TMTC3: variants seen among roughly 807,000 people sequenced by gnomAD.
TMTC3 encodes transmembrane O-mannosyltransferase targeting cadherins 3, also known as protein O-mannosyl-transferase TMTC3.
A neutral mutation model predicts 92.2 loss-of-function variants in TMTC3; 52 were observed. The ratio of observed to expected loss-of-function variants is 0.56; its 90% CI spans 0.45 to 0.71. The LOEUF (loss-of-function observed/expected upper bound fraction) is 0.71. Among genes scored for constraint, TMTC3 ranks in the 30% least tolerant of loss-of-function variants. The pLI is 0.00. For missense variants in TMTC3, 896 were observed against 1,057.1 expected (o/e 0.85, Z 2.11); for synonymous variants, 339 against 363.3 (o/e 0.93, Z 0.76).
At position 88,160,242 on chromosome 12, in the gene TMTC3, A is replaced by C; in HGVS notation, c.624+13A>C. On this transcript the variant is annotated intron_variant, in intron 5 of 13. Transcript: ENST00000266712. The stretch of plus-strand genomic sequence containing the variant: ...TATTGCCCAGGGGGTAAGCCAAACT[A>C]TAAATATATAAATTTTCTTATTGAT... 2 of 1,398,046 alleles carry C rather than the reference A, an allele frequency of 1.4e-6. No individual in the cohort carries two copies. The highest frequency in any genetic ancestry group is 2.6e-5 in the Admixed American group (1 of 38,698). 86.6% of individuals were successfully genotyped at this position (1,398,046 alleles called of 1,614,324 possible).
intron 2 of TMTC3, among the ~76,000 whole-genome samples, chr12:88,152,306 A>G (rs2040952807): frequency 1.3e-5 from 2 of 152,028 alleles, no homozygotes; most frequent in African/African-American, 4.8e-5. Flanking sequence ...AAGAGGGAGG[A>G]GAGGAGGTTC....
intron 10 of TMTC3, among the ~76,000 whole-genome samples, chr12:88,177,130 A>G (rs1327960450): frequency 6.6e-6 from 1 of 152,116 alleles, no homozygotes; most frequent in Non-Finnish European, 1.5e-5. Flanking sequence ...GTTTGAGACC[A>G]GCCTGGGCAA....
chr12:88,193,637 C>T (rs540258908), intron 13 of TMTC3, among the ~76,000 whole-genome samples: 1 of 152,262 alleles, frequency 6.6e-6, no homozygotes, highest in East Asian at 1.9e-4. Context: ...GCCCCAAAGT[C>T]ATATGGCTAA....
intron 10 of TMTC3, among the ~76,000 whole-genome samples, chr12:88,185,338 CTCTT>C (rs1040064033): frequency 3.3e-5 from 5 of 151,568 alleles, no homozygotes; most frequent in African/African-American, 1.2e-4. Flanking sequence ...TATGGACTCT[CTCTT>C]TTTTTTTTTT....
At position 88,198,013 on chromosome 12, in the gene TMTC3, T is replaced by G. The variant is rs2041535300; in HGVS notation, c.*2364T>G. The stretch of plus-strand genomic sequence containing the variant: ...CCATGTTAACTTTTAAAACTAGTAA[T>G]GTACCCAGTTAAGTTTTGATGGTTT... On this transcript the variant is annotated 3_prime_UTR_variant, in exon 14 of 14. Transcript: ENST00000266712. 1 of 245,638 alleles carries G rather than the reference T, an allele frequency of 4.1e-6. No homozygotes were observed. Among genetic ancestry groups the G allele is most frequent in the Admixed American group, 5.5e-5 (1 of 18,258 alleles). 15.2% of individuals were successfully genotyped at this position (245,638 alleles called of 1,614,324 possible).
rs765687392 is a variant in TMTC3, at chr12:88,192,844, A to T, written c.1933+14A>T. The stretch of plus-strand genomic sequence containing the variant: ...TGCAAGAATCAGGTATGTTTTCTCA[A>T]AATATTTCTGTTTATATAAATTGTA... On this transcript the variant is annotated intron_variant, in intron 13 of 13. Coordinates refer to ENST00000266712, the MANE Select transcript of TMTC3 (RefSeq NM_181783.4). The T allele has an allele frequency of 8.5e-5, 135 of 1,588,664 alleles. No homozygotes were observed. Among genetic ancestry groups the T allele is most frequent in the Non-Finnish European group, 1.1e-4 (127 of 1,166,728 alleles).
chr12:88,184,812 T>C (rs991568097), intron 10 of TMTC3, among the ~76,000 whole-genome samples: 1 of 151,930 alleles, frequency 6.6e-6, no homozygotes. Context: ...AATATATATA[T>C]ACACACACAC....
chr12:88,189,075 C>G (rs1446520857), intron 11 of TMTC3, 129 bp downstream of exon 11: 1 of 584,212 alleles, frequency 1.7e-6, no homozygotes, highest in Non-Finnish European at 3.0e-6. Flanking sequence ...TAAAGAATTA[C>G]ATTTTTCTAG....
chr12:88,144,660 C>G lies in TMTC3; in HGVS notation c.-29+2173C>G, dbSNP rs1157095575. Among the ~76,000 whole-genome samples the G allele has an allele frequency of 2.0e-5, 3 of 152,166 alleles. No homozygotes were observed. The East Asian group carries it at 5.8e-4, about 29-fold the overall frequency. The stretch of plus-strand genomic sequence containing the variant: ...TGACAATTGTAACTAAAAGCAAAAT[C>G]TTACCTAAATTTTATTCTTTAACTC... On this transcript the variant is annotated intron_variant, in intron 1 of 13. Transcript: ENST00000266712.
At chr12:88,172,840 C>A in intron 8 of TMTC3, 95 bp downstream of exon 8, 1 of 1,484,552 alleles carries the variant, frequency 6.7e-7, no homozygotes, top group Non-Finnish European at 9.0e-7. Context: ...CTAAGTCATG[C>A]TTTTGTATCT....
At position 88,199,885 on chromosome 12, in the gene TMTC3, C is replaced by A. The variant is rs1219532012; in HGVS notation, c.*4236C>A. ...CTTAAATAAAATAACCCTCAAAAAA[C>A]CATTCTAGTTTGCCCTTTCTTAAAG... On this transcript the variant is annotated 3_prime_UTR_variant, in exon 14 of 14. Transcript: ENST00000266712. 1.3e-5 allele frequency: 2 copies of A among 152,170 alleles called. No homozygotes were observed. The highest frequency in any genetic ancestry group is 4.8e-5 in the African/African-American group (2 of 41,446). 9.4% of individuals were successfully genotyped at this position (152,170 alleles called of 1,614,324 possible).
intron 12 of TMTC3, among the ~76,000 whole-genome samples, chr12:88,191,277 C>T (rs895429273): frequency 2.6e-5 from 4 of 151,792 alleles, no homozygotes; most frequent in Admixed American, 6.6e-5. Flanking sequence ...TTCTTTGTTC[C>T]GCCGTGCCTA....
intron 10 of TMTC3, among the ~76,000 whole-genome samples, chr12:88,176,837 C>T (rs2041264996): frequency 6.6e-6 from 1 of 151,852 alleles, no homozygotes; most frequent in South Asian, 2.1e-4. Flanking sequence ...TGTTGTGTGG[C>T]ATGGATATGG....
intron 8 of TMTC3, among the ~76,000 whole-genome samples, chr12:88,173,933 CT>C (rs934977905): frequency 3.7e-4 from 57 of 152,202 alleles, no homozygotes; most frequent in African/African-American, 1.3e-3. Context: ...CACATCCATA[CT>C]TGTGTGTTCT....
In TMTC3 at chr12:88,148,402, T is replaced by C; in HGVS notation, c.87T>C (p.Val29=). 6.2e-7 allele frequency: 1 copy of C among 1,613,742 alleles called. No homozygotes were observed. The highest frequency in any genetic ancestry group is 8.5e-7 in the Non-Finnish European group (1 of 1,179,754). ...CYWNSLFCGF[V]FDDVSAILDN... The stretch of plus-strand genomic sequence containing the variant: ...GGAACAGCCTCTTTTGTGGTTTTGT[T>C]TTTGATGATGTTTCAGCAATACTGG... The change falls in exon 2 of 14, where the codon GTT becomes GTC. Residue 29 remains valine (V), a synonymous_variant. Transcript: ENST00000266712.
At position 88,166,563 on chromosome 12, in the gene TMTC3, C is replaced by T; in HGVS notation, c.1031C>T (p.Ser344Phe). The T allele has an allele frequency of 6.2e-7, 1 of 1,612,892 alleles. No homozygotes were observed. Among genetic ancestry groups the T allele is most frequent in the Non-Finnish European group, 8.5e-7 (1 of 1,179,572 alleles). ...GVFSIRYSGD[S>F]SKTVLMALCL... Reference sequence around the variant, plus strand: ...TTCAGTATCAGATACTCTGGTGATTCCTCCAAGACTGTTTTAATGGTAAGA... The same window carrying T: ...TTCAGTATCAGATACTCTGGTGATTTCTCCAAGACTGTTTTAATGGTAAGA... The change falls in exon 7 of 14, where the codon TCC (serine) becomes TTC (phenylalanine). Residue 344 changes from serine (S) to phenylalanine (F), a missense_variant. Transcript: ENST00000266712.
intron 6 of TMTC3, among the ~76,000 whole-genome samples, chr12:88,165,902 C>G (rs185943908): frequency 9.2e-4 from 140 of 152,196 alleles, no homozygotes; most frequent in African/African-American, 3.1e-3. Context: ...GCATTTAGCT[C>G]TAAAAGAAAT....
At chr12:88,154,229 A>G (rs2040979007) in intron 3 of TMTC3, 59 bp from the exon 4 acceptor site, 1 of 1,164,166 alleles carries the variant, frequency 8.6e-7, no homozygotes, top group South Asian at 1.4e-5. Flanking sequence ...ACCATTATAT[A>G]TAGTAATTTT....
intron 7 of TMTC3, among the ~76,000 whole-genome samples, chr12:88,169,323 G>A (rs759197580): frequency 6.6e-6 from 1 of 152,062 alleles, no homozygotes; most frequent in African/African-American, 2.4e-5. Flanking sequence ...TCTAAAGCTG[G>A]AGTTTTCCTA....
Sources: allele counts gnomAD v4.1 joint callset (sites outside exome capture counted in the v4.1 genomes callset), GRCh38; gene constraint gnomAD v4.1.1; transcripts MANE v1.5; gene names NCBI Gene and HGNC (gene_info 2026-07-23, HGNC 2026-07-21).